PCLO: variants seen among roughly 807,000 people sequenced by gnomAD.
PCLO encodes the protein protein piccolo.
Under a neutral mutation model 427.5 loss-of-function variants are expected in PCLO, and 82 were observed. The observed-to-expected ratio is 0.19, with a 90% CI of 0.16 to 0.23. The LOEUF is 0.23. Among genes scored for constraint, PCLO ranks in the 10% least tolerant of loss-of-function variants. The pLI is 1.00. For missense variants in PCLO, 6,239 were observed against 6,115.9 expected, an observed-to-expected ratio of 1.02 and a Z score of -0.67; for synonymous variants, 2,357 against 2,155.4, an observed-to-expected ratio of 1.09 and a Z score of -2.59.
chr7:83,135,580 G>A lies in PCLO; in HGVS notation c.1970C>T (p.Pro657Leu), dbSNP rs867503180. The change falls in exon 3 of 25, where the codon CCC (proline) becomes CTC (leucine). Residue 657 changes from proline to leucine, a missense_variant. This residue lies in a region of PCLO where 4,677 missense variants were observed against 4,468.4 expected (regional missense o/e 1.05). Transcript: ENST00000333891. Reference protein sequence around the residue: ...GGDLAPVPSSPQPKLKTAPVT... With the variant: ...GGDLAPVPSSLQPKLKTAPVT... ...AGGTGCAGTCTTCAGTTTGGGCTGG[G>A]GTGATGACGGAACTGGAGCCAGATC... The A allele has an allele frequency of 1.2e-6, 2 of 1,613,202 alleles. No individual in the cohort carries two copies. Among genetic ancestry groups the A allele is most frequent in the African/African-American group, 1.3e-5 (1 of 74,740 alleles).
chr7:83,072,999 G>A (rs910071384), intron 3 of PCLO, among the ~76,000 whole-genome samples: 5 of 151,630 alleles, frequency 3.3e-5, no homozygotes, highest in Non-Finnish European at 5.9e-5. Context: ...CCCTCTGTCT[G>A]TTTTACTAGT....
chr7:82,793,792 G>T (rs752466440), intron 22 of PCLO, among the ~76,000 whole-genome samples: 1 of 152,136 alleles, frequency 6.6e-6, no homozygotes, highest in Non-Finnish European at 1.5e-5. Context: ...CATCATGGAA[G>T]TCCTCTATTC....
chr7:83,134,962 C>G lies in PCLO; in HGVS notation c.2588G>C (p.Ser863Thr), dbSNP rs1480080340. ...CATTGGCTTGGCATCTGGTTTAGGA[C>G]TCATTTTGGTTTGTGCTTTCTTGGG... ...EEPKKAQTKM[S>T]PKPDAKPMPK... The change falls in exon 3 of 25, where the codon AGT (serine) becomes ACT (threonine). Residue 863 changes from serine to threonine, a missense_variant. Transcript: ENST00000333891. 1 of 1,611,792 alleles carries G rather than the reference C, an allele frequency of 6.2e-7. No homozygotes were observed.
rs747020287 is a variant in PCLO, at chr7:82,822,616, G to C, written c.14670C>G (p.Leu4890=). 1.9e-5 allele frequency: 30 copies of C among 1,613,724 alleles called. No individual in the cohort carries two copies. In the South Asian group the frequency reaches 3.3e-4, roughly 18 times the overall value. The change falls in exon 20 of 25, where the codon CTC becomes CTG. Residue 4890 remains leucine (L), a synonymous_variant. Transcript: ENST00000333891. Reference sequence around the variant, plus strand: ...GACTGCGAGATGGTCCATGAGAACGGAGATGGCCTTCTGATGATGATTTTG... The same window carrying C: ...GACTGCGAGATGGTCCATGAGAACGCAGATGGCCTTCTGATGATGATTTTG... ...GSSKSSSEGH[L]RSHGPSRSQS... is the part of the protein sequence containing the mutation.
chr7:82,794,475 T>C (rs1411615146), intron 22 of PCLO, among the ~76,000 whole-genome samples: 2 of 105,458 alleles, frequency 1.9e-5, no homozygotes, highest in Non-Finnish European at 3.8e-5. Flanking sequence ...TTTTTTTTTT[T>C]TTTTTTTTTT....
chr7:82,891,390 C>G (rs1424553109), intron 9 of PCLO, among the ~76,000 whole-genome samples: 1 of 152,034 alleles, frequency 6.6e-6, no homozygotes, highest in Admixed American at 6.6e-5. Context: ...GATTTTGTAT[C>G]CTGAGACTTT....
At chr7:82,866,864 C>A (rs1002626604) in intron 10 of PCLO, among the ~76,000 whole-genome samples, 1 of 151,984 alleles carries the variant, frequency 6.6e-6, no homozygotes, top group Admixed American at 6.6e-5. Flanking sequence ...CTGTATAGTT[C>A]CTGGACAGTG....
intron 3 of PCLO, among the ~76,000 whole-genome samples, chr7:83,099,050 T>G (rs1015955471): frequency 1.3e-5 from 2 of 151,254 alleles, no homozygotes; most frequent in African/African-American, 2.5e-5. Flanking sequence ...GCTGGCAAAT[T>G]TGATAACTTG....
At chr7:82,787,190 T>A (rs572180164) in intron 22 of PCLO, among the ~76,000 whole-genome samples, 1 of 152,282 alleles carries the variant, frequency 6.6e-6, no homozygotes, top group East Asian at 1.9e-4. Context: ...TGAACTAATT[T>A]ACACTCCCAC....
chr7:82,817,348 T>G (rs1241531936), intron 20 of PCLO, among the ~76,000 whole-genome samples: 1 of 152,180 alleles, frequency 6.6e-6, no homozygotes, highest in African/African-American at 2.4e-5. Context: ...CAAATGAAAT[T>G]GATTTCTCTT....
At position 83,155,669 on chromosome 7, in the gene PCLO, T is replaced by TGATTTTTCATGTCCAGGCTGC; in HGVS notation, c.951_971dup (p.His321_Gly327dup). On this transcript the variant is annotated inframe_insertion, in exon 2 of 25. Coordinates refer to ENST00000333891, the MANE Select transcript of PCLO (RefSeq NM_033026.6). Reference sequence around the variant, plus strand: ...CTGGGGGCTTTGCAGGCCCAGGCTGTGATTTTTCATGTCCAGGCTGCTGTG... The same window carrying TGATTTTTCATGTCCAGGCTGC: ...CTGGGGGCTTTGCAGGCCCAGGCTGTGATTTTTCATGTCCAGGCTGCGATTTTTCATGTCCAGGCTGCTGTG... 3 of 1,613,242 alleles carry TGATTTTTCATGTCCAGGCTGC rather than the reference T, an allele frequency of 1.9e-6. No homozygotes were observed. Among genetic ancestry groups the TGATTTTTCATGTCCAGGCTGC allele is most frequent in the Non-Finnish European group, 2.5e-6 (3 of 1,179,644 alleles).
At chr7:82,948,395 T>A (rs1795253466) in intron 6 of PCLO, among the ~76,000 whole-genome samples, 1 of 152,122 alleles carries the variant, frequency 6.6e-6, no homozygotes, top group Non-Finnish European at 1.5e-5. Context: ...TACCTACAAG[T>A]AGACTTACAG....
intron 3 of PCLO, among the ~76,000 whole-genome samples, chr7:83,015,105 C>G (rs932116517): frequency 6.6e-6 from 1 of 152,132 alleles, no homozygotes; most frequent in African/African-American, 2.4e-5. Context: ...TCAGTAGACA[C>G]TGAGATAAGA....
chr7:83,038,031 T>TATATATATATATATATATA (rs1562932995), intron 3 of PCLO, among the ~76,000 whole-genome samples: 3 of 17,266 alleles, frequency 1.7e-4, no homozygotes, highest in Non-Finnish European at 1.8e-4. Context: ...ATATATATAT[T>TATATATATATATATATATA]TATATATTTA....
At chr7:82,938,413 A>G (rs2116369311) in intron 6 of PCLO, among the ~76,000 whole-genome samples, 1 of 152,014 alleles carries the variant, frequency 6.6e-6, no homozygotes, top group East Asian at 1.9e-4. Context: ...TCTAGTAGAA[A>G]AGAAAATGCT....
intron 2 of PCLO, among the ~76,000 whole-genome samples, chr7:83,136,141 T>C (rs902724470): frequency 1.6e-4 from 24 of 151,990 alleles, no homozygotes; most frequent in African/African-American, 5.8e-4. Context: ...GGGACTAAAG[T>C]ACCCTATATT....
chr7:82,864,714 CTA>C (rs200443848), intron 10 of PCLO, among the ~76,000 whole-genome samples: 1,715 of 152,100 alleles, frequency 0.011, 8 homozygotes, highest in Middle Eastern at 0.024. Flanking sequence ...GTAATTGCCT[CTA>C]TTTTGACAAT....
In PCLO at chr7:83,155,923, A is replaced by G. The variant is rs1792284043; in HGVS notation, c.718T>C (p.Ser240Pro). ...LQQDGTPKSI[S>P]SQQPEKIKSQ... Reference sequence around the variant, plus strand: ...TTAATTTTTTCTGGTTGTTGAGAAGATATTGATTTGGGAGTGCCATCCTGC... The same window carrying G: ...TTAATTTTTTCTGGTTGTTGAGAAGGTATTGATTTGGGAGTGCCATCCTGC... The change falls in exon 2 of 25, where the codon TCT becomes CCT. Residue 240 changes from serine (S) to proline (P), a missense_variant. Ser to Pro is a moderately conservative substitution (Grantham distance 74, BLOSUM62 -1). Around this residue, in one of 5 missense-constraint regions of PCLO, gnomAD observed 4,677 missense variants for 4,468.4 expected, o/e 1.05. Coordinates refer to ENST00000333891, the MANE Select transcript of PCLO (RefSeq NM_033026.6). 2 of 1,613,768 alleles carry G rather than the reference A, an allele frequency of 1.2e-6. No individual in the cohort carries two copies. The highest frequency in any genetic ancestry group is 1.7e-6 in the Non-Finnish European group (2 of 1,179,852).
At position 82,915,748 on chromosome 7, in the gene PCLO, G is replaced by A. The variant is rs1314790427; in HGVS notation, c.12238C>T (p.Leu4080Phe). 3 of 1,612,024 alleles carry A rather than the reference G, an allele frequency of 1.9e-6. No individual in the cohort carries two copies. The highest frequency in any genetic ancestry group is 2.7e-5 in the African/African-American group (2 of 74,888). ...EKDLSKTDRL[L>F]RTTETRRSQE... ...GACCGGCGTGTCTCAGTGGTTCGAA[G>A]GAGACGGTCTGTTTTTGACAGATCC... The change falls in exon 7 of 25, where the codon CTT becomes TTT. Residue 4080 changes from leucine (L) to phenylalanine (F), a missense_variant. Physicochemically the swap from Leu to Phe is conservative, Grantham distance 22 (BLOSUM62 0). Coordinates refer to ENST00000333891, the MANE Select transcript of PCLO (RefSeq NM_033026.6).
Sources: gnomAD v4.1 joint callset for allele counts (sites outside exome capture counted in the v4.1 genomes callset) on GRCh38, gnomAD v4.1.1 for gene constraint, gnomAD v4.1.1 regional missense constraint, MANE v1.5 for transcripts, NCBI Gene and HGNC (gene_info 2026-07-23, HGNC 2026-07-21) for gene names.